The following ZNF717 variants were observed in gnomAD, a reference collection of about 807,000 sequenced individuals.
ZNF717 encodes the protein zinc finger protein 717, also known as krueppel-like factor X17.
In ZNF717, 9 loss-of-function variants were observed where a neutral mutation model predicts 13.8. The observed-to-expected ratio is 0.65, with a 90% CI of 0.39 to 1.14. The LOEUF (loss-of-function observed/expected upper bound fraction) is 1.14, where lower values mean the gene tolerates loss of function less well. Ranked by LOEUF, ZNF717 falls within the 50% of genes most tolerant of loss-of-function variation. The probability of loss-of-function intolerance (pLI) is 0.01; values close to 1 mark genes in which losing one functional copy is unlikely to be tolerated. For missense variants in ZNF717, 1,040 were observed against 1,080.7 expected (o/e 0.96, Z 0.53); for synonymous variants, 327 against 364.1 (o/e 0.90, Z 1.16).
intron 6 of ZNF717, among the ~76,000 whole-genome samples, chr3:75,695,783 T>G (rs201559337): frequency 7.9e-5 from 12 of 152,102 alleles, no homozygotes; most frequent in Non-Finnish European, 1.8e-4. Flanking sequence ...CAAATGATAA[T>G]GGAAACAGCA....
In ZNF717 at chr3:75,737,950, G is replaced by T; in HGVS notation, c.1673C>A (p.Thr558Lys). The T allele has an allele frequency of 1.3e-6, 2 of 1,555,262 alleles. No individual in the cohort carries two copies. The highest frequency in any genetic ancestry group is 1.7e-6 in the Non-Finnish European group (2 of 1,149,356). ...ATTACATTCATAGGGTTTTTCCCCT[G>T]TGTGAGTTCTGTGATGTACTGTAAG... The part of the protein sequence containing the change: ...SYLTVHHRTH[T>K]GEKPYECNEC... The change falls in exon 5 of 5, where the codon ACA becomes AAA. Residue 558 changes from threonine to lysine, a missense_variant. Thr to Lys is a moderately conservative substitution (Grantham distance 78). Coordinates refer to ENST00000652011, the MANE Select transcript of ZNF717 (RefSeq NM_001290208.3).
In ZNF717 at chr3:75,738,928, A is replaced by AT. The variant is rs1939938549; in HGVS notation, c.694dup (p.Ile232AsnfsTer7). On this transcript the variant is annotated frameshift_variant, in exon 5 of 5. Transcript: ENST00000652011. LOFTEE classifies it low-confidence loss of function (END_TRUNC). The stretch of plus-strand genomic sequence containing the variant: ...ATTATATTTACCAAAGGTCTGTACT[A>AT]TATGAACCCTCTTATGTATAAAGAA... 1 of 1,551,438 alleles carries AT rather than the reference A, an allele frequency of 6.4e-7. No homozygotes were observed. Among genetic ancestry groups the AT allele is most frequent in the Non-Finnish European group, 8.7e-7 (1 of 1,146,972 alleles).
intron 2 of ZNF717, among the ~76,000 whole-genome samples, chr3:75,756,309 GCTT>G (rs902178543): frequency 7.2e-5 from 11 of 152,016 alleles, no homozygotes; most frequent in African/African-American, 2.4e-4. Context: ...TTTTTCTCAG[GCTT>G]CTTTTTATTA....
chr3:75,759,278 A>ATTT (rs57052931), intron 2 of ZNF717, among the ~76,000 whole-genome samples: 3 of 121,650 alleles, frequency 2.5e-5, no homozygotes, highest in Admixed American at 8.5e-5. Flanking sequence ...TGGTCATCTA[A>ATTT]TTTTTTTTTT....
At chr3:75,710,858 T>G (rs1937916564) in exon 6 of ZNF717, 1 of 152,182 alleles carries the variant, frequency 6.6e-6, no homozygotes, top group Admixed American at 6.5e-5. Flanking sequence ...ATTTACAATC[T>G]ACTAACAGAG....
intron 2 of ZNF717, among the ~76,000 whole-genome samples, chr3:75,758,000 C>G (rs1942644079): frequency 6.6e-6 from 1 of 150,686 alleles, no homozygotes; most frequent in Admixed American, 6.6e-5. Flanking sequence ...TGCCTGTAAT[C>G]CGAAATACTT....
At position 75,737,890 on chromosome 3, in the gene ZNF717, A is replaced by G; in HGVS notation, c.1733T>C (p.Leu578Pro). Residue 578 changes from leucine to proline, a missense_variant, in exon 5 of 5, where the codon CTA (leucine) becomes CCA (proline). Coordinates refer to ENST00000652011, the MANE Select transcript of ZNF717 (RefSeq NM_001290208.3). The stretch of plus-strand genomic sequence containing the variant: ...AGCATGAGTTCTCTGATGTATAGTT[A>G]GGAATGACTTACAGTGAAAGGATTT... ...CGKSFHCKSF[L>P]TIHQRTHAGK... The G allele has an allele frequency of 6.5e-7, 1 of 1,547,544 alleles. No individual in the cohort carries two copies. The highest frequency in any genetic ancestry group is 8.7e-7 in the Non-Finnish European group (1 of 1,144,188).
downstream of ZNF717, among the ~76,000 whole-genome samples, chr3:75,731,663 A>G (rs1173819765): frequency 6.6e-5 from 10 of 152,360 alleles, no homozygotes; most frequent in Non-Finnish European, 1.2e-4. Flanking sequence ...CTGTAATCCC[A>G]GCACTTTGGG....
At chr3:75,746,797 C>T (rs1457626910) in intron 2 of ZNF717, among the ~76,000 whole-genome samples, 1 of 152,068 alleles carries the variant, frequency 6.6e-6, no homozygotes, top group Non-Finnish European at 1.5e-5. Flanking sequence ...AGATTGTAAA[C>T]ATTTTCTCCC....
At chr3:75,705,764 GTA>G (rs1205680935), downstream of ZNF717, among the ~76,000 whole-genome samples, 4 of 152,308 alleles carry the variant, frequency 2.6e-5, no homozygotes, top group Non-Finnish European at 4.4e-5. Context: ...CACTGTATAG[GTA>G]TATGTACCCT....
intron 2 of ZNF717, among the ~76,000 whole-genome samples, chr3:75,772,714 G>A (rs537433916): frequency 6.6e-6 from 1 of 152,378 alleles, no homozygotes; most frequent in Admixed American, 6.5e-5. Flanking sequence ...GCTCGCCCTT[G>A]GCAGGCGTGG....
rs141169578 is a variant in ZNF717 at position 75,719,659 on chromosome 3, CT to C, written n.545-3119del. On this transcript the variant is annotated intron_variant and non_coding_transcript_variant, in intron 4 of 5. Coordinates refer to the ZNF717 transcript ENST00000491507. ...TATTAATGAGGAGTACAAAATTCTACTTTAGAAAACATCTTGGCCAGATGCA... is the reference window on the plus strand; with the variant it reads ...TATTAATGAGGAGTACAAAATTCTACTTAGAAAACATCTTGGCCAGATGCA... Among the ~76,000 whole-genome samples, 3 of 152,216 alleles carry C rather than the reference CT, an allele frequency of 2.0e-5. No individual in the cohort carries two copies. In the East Asian group the frequency reaches 5.8e-4, roughly 29 times the overall value.
At chr3:75,726,310 T>C (rs1322753477), downstream of ZNF717, among the ~76,000 whole-genome samples, 6 of 152,252 alleles carry the variant, frequency 3.9e-5, no homozygotes, top group Non-Finnish European at 7.3e-5. Context: ...GAGAGAGACT[T>C]TGCTTCACCT....
intron 2 of ZNF717, 139 bp downstream of exon 2, chr3:75,783,167 A>G: frequency 1.4e-6 from 1 of 689,952 alleles, no homozygotes; most frequent in Non-Finnish European, 2.6e-6. Flanking sequence ...CTATATCTAC[A>G]GGTCAGCTTT....
Position 75,737,426 on chromosome 3 carries a change from C to T in ZNF717, c.2197G>A (p.Val733Ile), listed in dbSNP as rs1469047831. The T allele has an allele frequency of 6.4e-7, 1 of 1,554,884 alleles. No homozygotes were observed. Residue 733 changes from valine (V) to isoleucine (I), a missense_variant, in exon 5 of 5, where the codon GTA (valine) becomes ATA (isoleucine). By Grantham distance (29) the Val-to-Ile change is conservative (BLOSUM62 3). Coordinates refer to ENST00000652011, the MANE Select transcript of ZNF717 (RefSeq NM_001290208.3). The part of the protein sequence containing the change: ...VFTRGRNPMN[V>I]ANVEKPCQKS... Reference sequence around the variant, plus strand: ...TGACAAGGTTTTTCCACATTTGCTACATTCATAGGGTTTCTCCCCCGTGTG... The same window carrying T: ...TGACAAGGTTTTTCCACATTTGCTATATTCATAGGGTTTCTCCCCCGTGTG...
intron 2 of ZNF717, among the ~76,000 whole-genome samples, chr3:75,775,029 G>T (rs115446346): frequency 3.7e-4 from 50 of 134,514 alleles, no homozygotes; most frequent in Admixed American, 1.0e-3. Context: ...TGGTGTGATT[G>T]AGGCTCACTG....
At chr3:75,728,766 T>C (rs1575727274), downstream of ZNF717, among the ~76,000 whole-genome samples, 1 of 152,240 alleles carries the variant, frequency 6.6e-6, no homozygotes, top group East Asian at 1.9e-4. Context: ...TAAACCTCTT[T>C]CCTTTATAAA....
intron 2 of ZNF717, among the ~76,000 whole-genome samples, chr3:75,760,784 A>T (rs2107546813): frequency 6.6e-6 from 1 of 152,264 alleles, no homozygotes; most frequent in Non-Finnish European, 1.5e-5. Context: ...ACCAAGCAAA[A>T]GGAAGAAAAT....
At chr3:75,706,495 A>G (rs1414910433), downstream of ZNF717, among the ~76,000 whole-genome samples, 1 of 152,416 alleles carries the variant, frequency 6.6e-6, no homozygotes, top group African/African-American at 2.4e-5. Context: ...GCTCTCCACC[A>G]CTTCAGAGGC....
Sources: gnomAD v4.1 joint callset for allele counts (sites outside exome capture counted in the v4.1 genomes callset) on GRCh38, gnomAD v4.1.1 for gene constraint, MANE v1.5 for transcripts, NCBI Gene and HGNC (gene_info 2026-07-23, HGNC 2026-07-21) for gene names.